Variants in DCK observed in about 807,000 individuals in gnomAD.
DCK encodes deoxycytidine kinase.
Under a neutral mutation model 38.3 loss-of-function variants are expected in DCK, and 23 were observed. The ratio of observed to expected loss-of-function variants is 0.60; its 90% confidence interval spans 0.43 to 0.85. The LOEUF is 0.85. Among genes scored for constraint, DCK ranks in the 40% least tolerant of loss-of-function variants. The pLI is 0.00. For missense variants in DCK, 259 were observed against 304.4 expected (o/e 0.85, Z 1.11); for synonymous variants, 108 against 100.6 (o/e 1.07, Z -0.44).
At chr4:71,008,023 G>A (rs1374445721) in intron 2 of DCK, among the ~76,000 whole-genome samples, 3 of 152,112 alleles carry the variant, frequency 2.0e-5, no homozygotes, top group Non-Finnish European at 2.9e-5. Context: ...CACTATGTGG[G>A]GCCTATAGTA....
intron 2 of DCK, among the ~76,000 whole-genome samples, chr4:71,021,026 T>C (rs1160501278): frequency 6.6e-6 from 1 of 151,856 alleles, no homozygotes; most frequent in Non-Finnish European, 1.5e-5. Context: ...GAAAACTTTA[T>C]AGAAAGAGAA....
intron 2 of DCK, among the ~76,000 whole-genome samples, chr4:70,999,268 G>A (rs1403868896): frequency 6.6e-6 from 1 of 152,134 alleles, no homozygotes; most frequent in Non-Finnish European, 1.5e-5. Flanking sequence ...AGAACATGCG[G>A]TGTTTGGTTT....
chr4:71,015,794 G>T (rs902213683), intron 2 of DCK, among the ~76,000 whole-genome samples: 4 of 152,062 alleles, frequency 2.6e-5, no homozygotes, highest in African/African-American at 9.7e-5. Context: ...AAAATAATAG[G>T]AGCTATTTAT....
chr4:71,029,522 A>G lies in DCK; in HGVS notation c.*144A>G. 1 of 643,856 alleles carries G rather than the reference A, an allele frequency of 1.6e-6. No individual in the cohort carries two copies. The highest frequency in any genetic ancestry group is 3.0e-5 in the Admixed American group (1 of 33,072). The allele number at this position is 643,856 out of a possible 1,614,324, so 39.9% of individuals were successfully genotyped here. On this transcript the variant is annotated 3_prime_UTR_variant, in exon 7 of 7. Transcript: ENST00000286648. ...TAAGGAAAAAAGATTTTTAAAATGA[A>G]TCTTATGCAAAACTTTTTGACCAGT...
At chr4:71,025,741 A>C (rs1192034393) in intron 4 of DCK, 75 bp from the exon 5 acceptor site, 1 of 1,479,090 alleles carries the variant, frequency 6.8e-7, no homozygotes, top group African/African-American at 1.4e-5. Flanking sequence ...GACACAGAAA[A>C]GAAAATTTTG....
At chr4:71,020,297 T>C (rs1560687069) in intron 2 of DCK, among the ~76,000 whole-genome samples, 1 of 152,252 alleles carries the variant, frequency 6.6e-6, no homozygotes, top group Non-Finnish European at 1.5e-5. Context: ...CTTTCAATTC[T>C]TTTTTGGCAA....
At chr4:71,009,450 A>G (rs1485219823) in intron 2 of DCK, among the ~76,000 whole-genome samples, 3 of 152,226 alleles carry the variant, frequency 2.0e-5, no homozygotes, top group African/African-American at 7.2e-5. Context: ...ACTGTGATGC[A>G]TTAATACATT....
chr4:71,001,156 T>G (rs1210299361), intron 2 of DCK, among the ~76,000 whole-genome samples: 1 of 152,178 alleles, frequency 6.6e-6, no homozygotes, highest in Non-Finnish European at 1.5e-5. Flanking sequence ...TTGAGATACA[T>G]TTCATCAATA....
rs761210008 is a variant in DCK at position 71,023,687 on chromosome 4, A to T, written c.530A>T (p.Tyr177Phe). ...AGCCTTGAATTGGATGGAATCATTT[A>T]TCTTCAAGCCACTCCAGAGGTAAAA... is the stretch of plus-strand genomic sequence containing the variant. ...GQSLELDGII[Y>F]LQATPETCLH... The change falls in exon 4 of 7, where the codon TAT (tyrosine) becomes TTT (phenylalanine). Residue 177 changes from tyrosine (Y) to phenylalanine (F), a missense_variant. Coordinates refer to ENST00000286648, the MANE Select transcript of DCK (RefSeq NM_000788.3). 1 of 1,611,456 alleles carries T rather than the reference A, an allele frequency of 6.2e-7. No individual in the cohort carries two copies. The highest frequency in any genetic ancestry group is 8.5e-7 in the Non-Finnish European group (1 of 1,179,140).
Position 71,025,840 on chromosome 4 carries a change from C to T in DCK, c.574C>T (p.Arg192Trp), listed in dbSNP as rs765682636. ...GACATGCTTACATAGAATATATTTA[C>T]GGGGAAGAAATGAAGAGCAAGGCAT... ...PETCLHRIYL[R>W]GRNEEQGIPL... The change falls in exon 5 of 7, where the codon CGG (arginine) becomes TGG (tryptophan). Residue 192 changes from arginine (R) to tryptophan (W), a missense_variant. Physicochemically the swap from Arg to Trp is moderately radical, Grantham distance 101. Around this residue, in one of 3 missense-constraint regions of DCK, gnomAD observed 82 missense variants for 103.8 expected, o/e 0.79. Transcript: ENST00000286648. The T allele has an allele frequency of 1.1e-5, 17 of 1,608,830 alleles. No individual in the cohort carries two copies. Among genetic ancestry groups the T allele is most frequent in the African/African-American group, 2.7e-5 (2 of 74,636 alleles).
chr4:71,022,524 C>G lies in DCK; in HGVS notation c.365C>G (p.Pro122Arg), dbSNP rs1740453478. The change falls in exon 3 of 7, where the codon CCT becomes CGT. Residue 122 changes from proline to arginine, a missense_variant. Physicochemically the swap from Pro to Arg is moderately radical, Grantham distance 103 (BLOSUM62 -2). Around this residue, in one of 3 missense-constraint regions of DCK, gnomAD observed 159 missense variants for 159.0 expected, o/e 1.00. Transcript: ENST00000286648. ...LNGKLKDAEK[P>R]VLFFERSVYS... The stretch of plus-strand genomic sequence containing the variant: ...GGCAAGCTCAAAGATGCAGAGAAAC[C>G]TGTATTATTTTTTGAACGATCTGTG... 1 of 1,595,456 alleles carries G rather than the reference C, an allele frequency of 6.3e-7. No homozygotes were observed.
At chr4:71,015,260 A>T (rs190742087) in intron 2 of DCK, among the ~76,000 whole-genome samples, 100 of 152,376 alleles carry the variant, frequency 6.6e-4, no homozygotes, top group African/African-American at 2.3e-3. Context: ...GATTAAACCC[A>T]TAACAAGCTC....
At chr4:71,015,443 A>G (rs1005959650) in intron 2 of DCK, among the ~76,000 whole-genome samples, 34 of 152,254 alleles carry the variant, frequency 2.2e-4, no homozygotes, top group African/African-American at 7.7e-4. Context: ...TGAGGCCAGT[A>G]TCATTCTGAT....
intron 4 of DCK, among the ~76,000 whole-genome samples, chr4:71,024,780 A>G (rs1164883861): frequency 1.3e-5 from 2 of 152,102 alleles, no homozygotes; most frequent in Non-Finnish European, 2.9e-5. Flanking sequence ...AGGAATATGA[A>G]TAATTTCATT....
chr4:71,028,227 A>T (rs999815579), intron 6 of DCK, among the ~76,000 whole-genome samples: 1 of 152,242 alleles, frequency 6.6e-6, no homozygotes, highest in Non-Finnish European at 1.5e-5. Context: ...TTAAAGCTGC[A>T]TATGTCAGTG....
chr4:71,026,416 T>C (rs938964549), intron 5 of DCK, among the ~76,000 whole-genome samples: 2 of 152,066 alleles, frequency 1.3e-5, no homozygotes, highest in Non-Finnish European at 2.9e-5. Flanking sequence ...TATTGACTGC[T>C]ATTTGTTTTT....
intron 2 of DCK, among the ~76,000 whole-genome samples, chr4:71,016,764 C>T (rs1479887444): frequency 1.3e-5 from 2 of 152,168 alleles, no homozygotes; most frequent in Non-Finnish European, 2.9e-5. Flanking sequence ...CTTCCTTACA[C>T]CTTATACAAA....
intron 4 of DCK, among the ~76,000 whole-genome samples, chr4:71,024,448 C>T (rs73827074): frequency 4.5e-4 from 68 of 152,130 alleles, no homozygotes; most frequent in African/African-American, 1.5e-3. Flanking sequence ...GGTTTTGGTG[C>T]GTGCATTTCT....
At chr4:71,023,931 C>G (rs975544844) in intron 4 of DCK, among the ~76,000 whole-genome samples, 1 of 152,126 alleles carries the variant, frequency 6.6e-6, no homozygotes, top group Non-Finnish European at 1.5e-5. Context: ...TTTGTGCTTC[C>G]TCAATTCTTT....
Sources: gnomAD v4.1 joint callset for allele counts (sites outside exome capture counted in the v4.1 genomes callset) on GRCh38, gnomAD v4.1.1 for gene constraint, gnomAD v4.1.1 regional missense constraint, MANE v1.5 for transcripts, NCBI Gene and HGNC (gene_info 2026-07-23, HGNC 2026-07-21) for gene names.